The following RMDN2 variants were observed in gnomAD, a reference collection of about 807,000 sequenced individuals.
The protein encoded by RMDN2 is regulator of microtubule dynamics 2, also known as regulator of microtubule dynamics protein 2.
Under a neutral mutation model 52.8 loss-of-function variants are expected in RMDN2, and 61 were observed. That is an observed-to-expected ratio of 1.16 (90% CI 0.94 to 1.43). The LOEUF (loss-of-function observed/expected upper bound fraction) is 1.43, where lower values mean the gene tolerates loss of function less well. Among genes scored for constraint, RMDN2 ranks in the 40% most tolerant of loss-of-function variants. RMDN2 has a pLI of 0.00. For synonymous variants in RMDN2, 180 were observed against 153.1 expected, an observed-to-expected ratio of 1.18 and a Z score of -1.30; for missense variants, 592 against 475.3, an observed-to-expected ratio of 1.25 and a Z score of -2.28.
chr2:37,973,073 G>C (rs1386321263), intron 2 of RMDN2, among the ~76,000 whole-genome samples: 2 of 148,806 alleles, frequency 1.3e-5, no homozygotes, highest in African/African-American at 5.0e-5. Flanking sequence ...TGTAGCAAAG[G>C]TATAGCTATC....
intron 10 of RMDN2, among the ~76,000 whole-genome samples, chr2:38,046,973 A>C (rs995543133): frequency 6.6e-6 from 1 of 152,110 alleles, no homozygotes; most frequent in African/African-American, 2.4e-5. Flanking sequence ...ACAGAGTGAG[A>C]TTCTGTCTTG....
chr2:38,016,858 T>C (rs1179691137), intron 10 of RMDN2, among the ~76,000 whole-genome samples: 1 of 151,848 alleles, frequency 6.6e-6, no homozygotes, highest in East Asian at 1.9e-4. Context: ...TACTTCATGC[T>C]GGAGAAGGAA....
chr2:37,988,644 A>C (rs896483080), intron 5 of RMDN2, among the ~76,000 whole-genome samples: 3 of 152,214 alleles, frequency 2.0e-5, no homozygotes, highest in African/African-American at 7.2e-5. Flanking sequence ...ATAACATCCA[A>C]AGTTACATTT....
At chr2:37,976,478 C>A (rs985260419) in intron 4 of RMDN2, 1 of 152,198 alleles carries the variant, frequency 6.6e-6, no homozygotes, top group Admixed American at 6.5e-5. Flanking sequence ...CAGTCTAGTT[C>A]TCTGTAATTT....
chr2:38,049,406 A>C (rs6750047), intron 10 of RMDN2, among the ~76,000 whole-genome samples: 1 of 152,066 alleles, frequency 6.6e-6, no homozygotes, highest in East Asian at 1.9e-4. Flanking sequence ...GGCACCCCAG[A>C]CTTCTCCCAG....
At chr2:37,942,402 C>G (rs1667872217) in intron 2 of RMDN2, among the ~76,000 whole-genome samples, 1 of 152,090 alleles carries the variant, frequency 6.6e-6, no homozygotes, top group South Asian at 2.1e-4. Context: ...TTATTGAACA[C>G]TTTCCTTCAT....
intron 10 of RMDN2, among the ~76,000 whole-genome samples, chr2:38,044,373 C>A (rs181213004): frequency 9.6e-4 from 146 of 152,008 alleles, no homozygotes; most frequent in Non-Finnish European, 1.8e-3. Context: ...CGGTATTTAT[C>A]CCTCCTGGTT....
intron 10 of RMDN2, among the ~76,000 whole-genome samples, chr2:38,011,806 A>G (rs988339596): frequency 1.3e-5 from 2 of 152,196 alleles, no homozygotes; most frequent in African/African-American, 4.8e-5. Flanking sequence ...GAACAGAGGC[A>G]CAAAAGTGAG....
chr2:37,951,692 C>T (rs200104184), intron 2 of RMDN2: 14 of 1,612,344 alleles, frequency 8.7e-6, no homozygotes, highest in East Asian at 2.2e-5. Flanking sequence ...TAAATGAAAT[C>T]GAAATCTTTT....
intron 2 of RMDN2, among the ~76,000 whole-genome samples, chr2:37,964,016 G>T (rs1426179614): frequency 1.3e-5 from 2 of 151,370 alleles, no homozygotes; most frequent in Non-Finnish European, 2.9e-5. Context: ...CCCGGACGGG[G>T]CGGCTGGCCT....
chr2:38,004,073 A>G, intron 9 of RMDN2, 29 bp downstream of exon 9: 1 of 1,608,102 alleles, frequency 6.2e-7, no homozygotes, highest in African/African-American at 1.3e-5. Context: ...CTGCTTTAAG[A>G]TCACTTTGAA....
chr2:37,971,386 A>G (rs1158623766), intron 2 of RMDN2, among the ~76,000 whole-genome samples: 1 of 152,130 alleles, frequency 6.6e-6, no homozygotes, highest in East Asian at 1.9e-4. Flanking sequence ...AACTGATCAT[A>G]ATTTTAAGAA....
At chr2:37,997,213 G>C (rs1675672600) in intron 7 of RMDN2, among the ~76,000 whole-genome samples, 1 of 152,034 alleles carries the variant, frequency 6.6e-6, no homozygotes. Context: ...TTGTGAAAAA[G>C]GAAGGTAAAA....
chr2:37,940,499 G>A (rs1572714291), intron 2 of RMDN2, among the ~76,000 whole-genome samples: 1 of 152,078 alleles, frequency 6.6e-6, no homozygotes, highest in Non-Finnish European at 1.5e-5. Context: ...TTCGATTCTC[G>A]CTGTCACTTT....
chr2:37,931,934 A>G lies in RMDN2; in HGVS notation c.452+2205A>G, dbSNP rs1419559298. 4.6e-5 allele frequency among the ~76,000 whole-genome samples: 7 copies of G among 152,306 alleles called. No homozygotes were observed. The East Asian group carries it at 1.3e-3, about 29-fold the overall frequency. On this transcript the variant is annotated intron_variant, in intron 2 of 10. Transcript: ENST00000354545. ...AGTGCCTTGGACTACAGCAAATGGCACTCAGTAAAGAAGGGGAGAAGCTTT... is the reference window on the plus strand; with the variant it reads ...AGTGCCTTGGACTACAGCAAATGGCGCTCAGTAAAGAAGGGGAGAAGCTTT...
intron 4 of RMDN2, among the ~76,000 whole-genome samples, 191 bp from the exon 5 acceptor site, chr2:37,981,092 T>C (rs529374398): frequency 4.7e-4 from 71 of 152,340 alleles, no homozygotes; most frequent in African/African-American, 1.7e-3. Context: ...CCACAGATTA[T>C]TGGGCCCCAA....
At chr2:37,953,314 A>G (rs1669071580) in intron 2 of RMDN2, among the ~76,000 whole-genome samples, 1 of 151,890 alleles carries the variant, frequency 6.6e-6, no homozygotes, top group Admixed American at 6.6e-5. Flanking sequence ...ATCTTGCAAA[A>G]CTGAAACTCT....
intron 1 of RMDN2, 121 bp from the exon 2 acceptor site, chr2:37,929,141 T>C: frequency 1.6e-6 from 1 of 621,146 alleles, no homozygotes; most frequent in Non-Finnish European, 2.9e-6. Flanking sequence ...TGGGCTATTG[T>C]CCTACTTTTT....
At chr2:37,966,160 G>T (rs570099015) in intron 2 of RMDN2, among the ~76,000 whole-genome samples, 45 of 152,204 alleles carry the variant, frequency 3.0e-4, no homozygotes, top group Non-Finnish European at 4.6e-4. Context: ...GGTGGCTCAC[G>T]CCTGTAATCC....
Sources: gnomAD v4.1 joint callset for allele counts (sites outside exome capture counted in the v4.1 genomes callset) on GRCh38, gnomAD v4.1.1 for gene constraint, MANE v1.5 for transcripts, NCBI Gene and HGNC (gene_info 2026-07-23, HGNC 2026-07-21) for gene names.